Variants in KLHL13 observed in about 807,000 individuals in gnomAD.
KLHL13 encodes kelch-like protein 13.
Under a neutral mutation model 37.1 loss-of-function variants are expected in KLHL13, and 10 were observed. The ratio of observed to expected loss-of-function variants is 0.27; its 90% CI spans 0.17 to 0.46. The LOEUF is 0.46. Ranked by LOEUF, KLHL13 falls within the 20% of genes least tolerant of loss-of-function variation. KLHL13 has a pLI of 1.00. For missense variants in KLHL13, 360 were observed against 509.3 expected, an observed-to-expected ratio of 0.71 and a Z score of 2.82; for synonymous variants, 163 against 181.2, an observed-to-expected ratio of 0.90 and a Z score of 0.81.
At chrX:118,083,117 C>A (rs2148133727) in intron 1 of KLHL13, among the ~76,000 whole-genome samples, 1 of 111,733 alleles carries the variant, frequency 8.9e-6, no homozygotes, top group Non-Finnish European at 1.9e-5. Flanking sequence ...TAAAAACTAT[C>A]ATTGGTATTT....
At chrX:118,066,666 G>T (rs1442565082) in intron 1 of KLHL13, among the ~76,000 whole-genome samples, 1 of 111,043 alleles carries the variant, frequency 9.0e-6, no homozygotes, top group East Asian at 2.8e-4. Context: ...ACAATATTTT[G>T]TTCTGAGAAA....
upstream of KLHL13, among the ~76,000 whole-genome samples, chrX:117,978,551 G>A (rs142048493): frequency 1.5e-3 from 166 of 111,126 alleles, 2 homozygotes; most frequent in African/African-American, 5.3e-3. Context: ...TTATAGTTGG[G>A]TGTCAGATGA....
chrX:118,115,156 T>C (rs1340764749), intron 1 of KLHL13, among the ~76,000 whole-genome samples: 3 of 112,797 alleles, frequency 2.7e-5, no homozygotes, highest in African/African-American at 9.6e-5. Context: ...TAAAATGATG[T>C]CATAAATGCT....
intron 1 of KLHL13, among the ~76,000 whole-genome samples, chrX:118,065,025 C>A (rs1345985476): frequency 9.0e-6 from 1 of 111,434 alleles, no homozygotes; most frequent in African/African-American, 3.3e-5. Flanking sequence ...TATTAATTTT[C>A]TTTAGCCTAT....
intron 1 of KLHL13, among the ~76,000 whole-genome samples, chrX:118,072,704 A>T (rs1412832009): frequency 8.9e-6 from 1 of 112,309 alleles, no homozygotes; most frequent in Non-Finnish European, 1.9e-5. Context: ...CTTATTGTTC[A>T]GTTTTGCTTT....
At chrX:118,089,767 G>T (rs756198861) in intron 1 of KLHL13, among the ~76,000 whole-genome samples, 1 of 111,016 alleles carries the variant, frequency 9.0e-6, no homozygotes, top group South Asian at 3.9e-4. Flanking sequence ...GAACCAGGAA[G>T]ATTCAGCTGC....
chrX:118,024,214 A>T (rs1431225785), intron 1 of KLHL13, among the ~76,000 whole-genome samples: 1 of 112,291 alleles, frequency 8.9e-6, no homozygotes, highest in Non-Finnish European at 1.9e-5. Flanking sequence ...AAGTGGTCTT[A>T]TTAATCACTT....
At chrX:118,042,857 C>T (rs1400625974) in intron 1 of KLHL13, among the ~76,000 whole-genome samples, 2 of 108,343 alleles carry the variant, frequency 1.8e-5, no homozygotes, top group Non-Finnish European at 3.8e-5. Flanking sequence ...GCAAACCAAA[C>T]CCAAACTTAG....
intron 1 of KLHL13, among the ~76,000 whole-genome samples, chrX:118,071,650 T>C (rs1432137889): frequency 9.1e-6 from 1 of 110,308 alleles, no homozygotes; most frequent in Non-Finnish European, 1.9e-5. Flanking sequence ...ACAAAATCAA[T>C]GTACAAAAAT....
intron 1 of KLHL13, among the ~76,000 whole-genome samples, chrX:118,074,912 C>G (rs2054912607): frequency 8.9e-6 from 1 of 111,823 alleles, no homozygotes; most frequent in African/African-American, 3.2e-5. Context: ...GAATGCACTA[C>G]ACATATGAAT....
intron 1 of KLHL13, among the ~76,000 whole-genome samples, chrX:118,022,021 G>A (rs1466004796): frequency 8.9e-6 from 1 of 112,011 alleles, no homozygotes; most frequent in Non-Finnish European, 1.9e-5. Context: ...TCTGTTGGCT[G>A]CATAAATGTC....
intron 2 of KLHL13, among the ~76,000 whole-genome samples, chrX:117,929,654 T>C (rs141692497): frequency 0.058 from 6,237 of 108,420 alleles, 438 homozygotes; most frequent in African/African-American, 0.2. Context: ...TTTAAAAAAG[T>C]AAACTCGCCA....
Position 117,967,316 on chromosome X carries a change from T to G in KLHL13, c.98+5415A>C, listed in dbSNP as rs1039298645. Among the ~76,000 whole-genome samples the G allele has an allele frequency of 2.7e-5, 3 of 111,941 alleles. No homozygotes were observed. In the Admixed American group the frequency reaches 2.9e-4, roughly 11 times the overall value. ...ATACATCATGGCAGCCATGTCAATC[T>G]AAAATTTTATCATGTATGTTGTTTG... On this transcript the variant is annotated intron_variant, in intron 1 of 6. Coordinates refer to ENST00000262820, the Ensembl canonical transcript of KLHL13.
chrX:117,978,365 G>A (rs972664079), upstream of KLHL13, among the ~76,000 whole-genome samples: 1 of 111,674 alleles, frequency 9.0e-6, no homozygotes, highest in Non-Finnish European at 1.9e-5. Context: ...GATAAGAAGG[G>A]TGCCATGTTG....
chrX:117,898,107 G>A (rs755746753), exon 7 of KLHL13: 1 of 111,755 alleles, frequency 8.9e-6, no homozygotes, highest in East Asian at 2.9e-4. Context: ...TGTGCATACT[G>A]AATTCCCATT....
rs1033690146 is a variant in KLHL13 at position 118,077,981 on chromosome X, T to A, written c.-56+38527A>T. 4.4e-5 allele frequency among the ~76,000 whole-genome samples: 5 copies of A among 112,513 alleles called. No homozygotes were observed. The East Asian group carries it at 1.1e-3, about 25-fold the overall frequency. On this transcript the variant is annotated intron_variant, in intron 1 of 6. Coordinates refer to the KLHL13 transcript ENST00000371882. Reference sequence around the variant, plus strand: ...TTTTTCCTAGAAACAGTGGATATTATGTGAATGTCATATTCAAGTTTTTGA... The same window carrying A: ...TTTTTCCTAGAAACAGTGGATATTAAGTGAATGTCATATTCAAGTTTTTGA...
At chrX:118,074,205 AG>A (rs1405848477) in intron 1 of KLHL13, among the ~76,000 whole-genome samples, 1 of 111,948 alleles carries the variant, frequency 8.9e-6, no homozygotes, top group African/African-American at 3.2e-5. Flanking sequence ...GCAGAAATGT[AG>A]GTTCTACCTA....
In KLHL13 at chrX:118,020,565, A is replaced by C. The variant is rs12383530; in HGVS notation, c.-55-74990T>G. Among the ~76,000 whole-genome samples, 784 of 111,119 alleles carry C rather than the reference A, an allele frequency of 7.1e-3. 6 individuals carry two copies. Among genetic ancestry groups the C allele is most frequent in the African/African-American group, 0.023 (690 of 30,452 alleles). ...GGTGGGACTGTAAACTAGTTCAACCATTGTGGAAGTCAGAGTGGCGATTCC... is the reference window on the plus strand; with the variant it reads ...GGTGGGACTGTAAACTAGTTCAACCCTTGTGGAAGTCAGAGTGGCGATTCC... On this transcript the variant is annotated intron_variant, in intron 1 of 6. Transcript: ENST00000371882.
intron 1 of KLHL13, among the ~76,000 whole-genome samples, chrX:118,089,806 T>C (rs1192444837): frequency 9.0e-6 from 1 of 110,681 alleles, no homozygotes; most frequent in African/African-American, 3.3e-5. Flanking sequence ...GGGCTGGGTG[T>C]GGTGGCTCAC....
Sources: gnomAD v4.1 joint callset for allele counts (sites outside exome capture counted in the v4.1 genomes callset) on GRCh38, gnomAD v4.1.1 for gene constraint, MANE v1.5 for transcripts, NCBI Gene and HGNC (gene_info 2026-07-23, HGNC 2026-07-21) for gene names.